NME7: variants seen among roughly 807,000 people sequenced by gnomAD.
The protein encoded by NME7 is NME/NM23 family member 7.
A neutral mutation model predicts 49.1 loss-of-function variants in NME7; 41 were observed. The ratio of observed to expected loss-of-function variants is 0.83; its 90% CI spans 0.65 to 1.08. The LOEUF (loss-of-function observed/expected upper bound fraction) is 1.08. Ranked by LOEUF, NME7 falls within the 50% of genes least tolerant of loss-of-function variation. The pLI, the probability that NME7 is intolerant of heterozygous loss-of-function variation, is 0.00. For missense variants in NME7, 423 were observed against 463.4 expected (o/e 0.91, Z 0.80); for synonymous variants, 139 against 150.6 (o/e 0.92, Z 0.56).
In NME7 at chr1:169,214,857, G is replaced by T. The variant is rs115220521; in HGVS notation, c.990+15861C>A. 6.8e-3 allele frequency among the ~76,000 whole-genome samples: 1,043 copies of T among 152,310 alleles called. 15 individuals are homozygous for T. The highest frequency in any genetic ancestry group is 0.024 in the African/African-American group (980 of 41,574). On this transcript the variant is annotated intron_variant, in intron 10 of 11. Transcript: ENST00000367811. The stretch of plus-strand genomic sequence containing the variant: ...TGCCTGCAATGCCAAGACCCCAGAG[G>T]GTGTGTTACAATGCTCTCTTAGCTC...
chr1:169,365,044 C>T (rs7415756), intron 1 of NME7, among the ~76,000 whole-genome samples: 97,898 of 152,016 alleles, frequency 0.64, 31,818 homozygotes, highest in East Asian at 0.93. Flanking sequence ...GAGATATTTT[C>T]CAGGCTTCTG....
chr1:169,230,656 A>G, intron 10 of NME7, 62 bp downstream of exon 10: 1 of 1,101,322 alleles, frequency 9.1e-7, no homozygotes, highest in Non-Finnish European at 1.2e-6. Flanking sequence ...GAAAAATTTT[A>G]AACCTGTTAA....
chr1:169,185,407 C>T (rs984070176), intron 10 of NME7, among the ~76,000 whole-genome samples: 2 of 152,090 alleles, frequency 1.3e-5, no homozygotes, highest in African/African-American at 4.8e-5. Context: ...TAACAGTAAA[C>T]CTCTTTACAA....
intron 1 of NME7, 88 bp downstream of exon 1, chr1:169,367,620 C>T: frequency 1.3e-6 from 2 of 1,494,340 alleles, no homozygotes; most frequent in Non-Finnish European, 1.9e-6. Context: ...GAGGACCGGA[C>T]AACTTTAAGT....
At chr1:169,276,233 T>A (rs1345844230) in intron 7 of NME7, among the ~76,000 whole-genome samples, 1 of 133,954 alleles carries the variant, frequency 7.5e-6, no homozygotes, top group Admixed American at 7.3e-5. Flanking sequence ...CCTCTTTTTT[T>A]ATTCAGTGGA....
At chr1:169,317,716 G>A (rs932386798) in intron 3 of NME7, among the ~76,000 whole-genome samples, 1 of 152,158 alleles carries the variant, frequency 6.6e-6, no homozygotes, top group Non-Finnish European at 1.5e-5. Flanking sequence ...TGTTCCCCGA[G>A]AAGTAGCCAT....
chr1:169,195,371 C>G (rs1046674085), intron 10 of NME7, among the ~76,000 whole-genome samples: 2 of 152,132 alleles, frequency 1.3e-5, no homozygotes, highest in Non-Finnish European at 2.9e-5. Context: ...GCCACCACAC[C>G]TGGCTTATTT....
chr1:169,365,874 G>A (rs936996029), intron 1 of NME7, among the ~76,000 whole-genome samples: 11 of 152,098 alleles, frequency 7.2e-5, no homozygotes, highest in Non-Finnish European at 4.4e-5. Context: ...GAGGAATGTA[G>A]GATAACTCTG....
intron 1 of NME7, among the ~76,000 whole-genome samples, chr1:169,331,859 G>A (rs12036426): frequency 6.6e-6 from 1 of 150,698 alleles, no homozygotes; most frequent in Non-Finnish European, 1.5e-5. Context: ...GGAATTGGAA[G>A]AATTAACATT....
chr1:169,152,226 A>T (rs575840420), intron 11 of NME7, among the ~76,000 whole-genome samples: 1 of 128,836 alleles, frequency 7.8e-6, no homozygotes, highest in South Asian at 2.3e-4. Context: ...ATAATAATTT[A>T]AAAAGATAAT....
At chr1:169,328,150 A>C (rs1410960598) in intron 1 of NME7, among the ~76,000 whole-genome samples, 3 of 152,112 alleles carry the variant, frequency 2.0e-5, no homozygotes, top group Non-Finnish European at 4.4e-5. Context: ...ATGGCCCTGA[A>C]ATGTGTTGCT....
chr1:169,229,320 T>A (rs184976166), intron 10 of NME7, among the ~76,000 whole-genome samples: 93 of 152,332 alleles, frequency 6.1e-4, no homozygotes, highest in Non-Finnish European at 1.2e-4. Flanking sequence ...TGCAAATTCC[T>A]TCATTGGTGT....
chr1:169,320,760 C>CAT (rs1304675217), intron 3 of NME7, among the ~76,000 whole-genome samples: 3 of 152,146 alleles, frequency 2.0e-5, no homozygotes, highest in Admixed American at 6.5e-5. Context: ...ATATATACTA[C>CAT]ATATATTTTC....
chr1:169,183,074 A>G (rs1347322887), intron 10 of NME7, among the ~76,000 whole-genome samples: 1 of 152,238 alleles, frequency 6.6e-6, no homozygotes, highest in East Asian at 1.9e-4. Flanking sequence ...TCTGAAAGTA[A>G]CTTGCTCTGT....
At chr1:169,294,902 C>T (rs1650647970) in intron 6 of NME7, among the ~76,000 whole-genome samples, 1 of 152,082 alleles carries the variant, frequency 6.6e-6, no homozygotes, top group Admixed American at 6.6e-5. Context: ...GGAGATAGGG[C>T]CTAATGGGAG....
chr1:169,192,306 C>T (rs1571279349), intron 10 of NME7, among the ~76,000 whole-genome samples: 2 of 152,000 alleles, frequency 1.3e-5, no homozygotes, highest in South Asian at 2.1e-4. Context: ...GATTCTGTAT[C>T]CGTGAACACA....
At chr1:169,201,512 A>C (rs1660549952) in intron 10 of NME7, among the ~76,000 whole-genome samples, 1 of 152,158 alleles carries the variant, frequency 6.6e-6, no homozygotes, top group South Asian at 2.1e-4. Context: ...GAAAATCTCA[A>C]TTAAGGTAGG....
intron 10 of NME7, among the ~76,000 whole-genome samples, chr1:169,217,077 T>A (rs1250834154): frequency 6.6e-6 from 1 of 152,232 alleles, no homozygotes; most frequent in East Asian, 1.9e-4. Flanking sequence ...ATTTTTATAG[T>A]TATATTTGTC....
chr1:169,179,036 G>T (rs748086025), intron 10 of NME7, among the ~76,000 whole-genome samples: 5 of 151,992 alleles, frequency 3.3e-5, no homozygotes, highest in African/African-American at 7.3e-5. Flanking sequence ...GGCCAAACTG[G>T]TCTCAAACTC....
Sources: gnomAD v4.1 joint callset for allele counts (sites outside exome capture counted in the v4.1 genomes callset) on GRCh38, gnomAD v4.1.1 for gene constraint, MANE v1.5 for transcripts, NCBI Gene and HGNC (gene_info 2026-07-23, HGNC 2026-07-21) for gene names.